LRP1B: variants seen among roughly 807,000 people sequenced by gnomAD.
The protein encoded by LRP1B is LDL receptor related protein 1B.
Under a neutral mutation model 556.6 loss-of-function variants are expected in LRP1B, and 217 were observed. The ratio of observed to expected loss-of-function variants is 0.39; its 90% confidence interval spans 0.35 to 0.44. The LOEUF is 0.44. Ranked by LOEUF, LRP1B falls within the 20% of genes least tolerant of loss-of-function variation. The probability of loss-of-function intolerance (pLI) is 1.00; values close to 1 mark genes in which losing one functional copy is unlikely to be tolerated. For synonymous variants in LRP1B, 2,047 were observed against 1,865.8 expected (o/e 1.10, Z -2.50); for missense variants, 5,053 against 5,620.8 (o/e 0.90, Z 3.23).
At chr2:141,561,845 A>C (rs950822792) in intron 2 of LRP1B, among the ~76,000 whole-genome samples, 12 of 151,614 alleles carry the variant, frequency 7.9e-5, no homozygotes, top group Admixed American at 7.9e-4. Context: ...TTCACAATCT[A>C]TATACTGTAA....
chr2:141,650,690 GA>G (rs1377382787), intron 2 of LRP1B, among the ~76,000 whole-genome samples: 3 of 152,146 alleles, frequency 2.0e-5, no homozygotes, highest in African/African-American at 7.2e-5. Context: ...CATATTTGAA[GA>G]ATACAATGAA....
rs78262972 is a variant in LRP1B, at chr2:141,809,794, T to C, written c.205+485A>G. On this transcript the variant is annotated intron_variant, in intron 2 of 90. Transcript: ENST00000389484. ...ATGTTCAATTATTTGTGTACTGCCC[T>C]GAGATATTAATATAAATAACATGGG... 1.2e-3 allele frequency among the ~76,000 whole-genome samples: 181 copies of C among 152,118 alleles called. 1 individual carries two copies. The East Asian group carries it at 0.024, about 20-fold the overall frequency.
chr2:141,843,176 T>C (rs1697536824), intron 1 of LRP1B, among the ~76,000 whole-genome samples: 1 of 152,160 alleles, frequency 6.6e-6, no homozygotes, highest in Admixed American at 6.6e-5. Context: ...GCACATATTT[T>C]GGCTATATTT....
chr2:141,900,052 TAG>T (rs953894496), intron 1 of LRP1B, among the ~76,000 whole-genome samples: 15 of 152,052 alleles, frequency 9.9e-5, no homozygotes, highest in Admixed American at 3.9e-4. Context: ...GTGTGACATA[TAG>T]TTTCCTGTCT....
chr2:140,676,646 T>C (rs1685681703), intron 41 of LRP1B, among the ~76,000 whole-genome samples: 1 of 152,208 alleles, frequency 6.6e-6, no homozygotes, highest in Admixed American at 6.5e-5. Context: ...AATTGAGACT[T>C]ATGTATATGA....
intron 3 of LRP1B, among the ~76,000 whole-genome samples, chr2:141,300,041 C>A (rs1362796379): frequency 1.3e-5 from 2 of 152,146 alleles, no homozygotes; most frequent in Non-Finnish European, 2.9e-5. Flanking sequence ...AAAGAGACCC[C>A]AGAGAGCTCT....
At chr2:141,696,556 A>G (rs1257462240) in intron 2 of LRP1B, among the ~76,000 whole-genome samples, 1 of 151,984 alleles carries the variant, frequency 6.6e-6, no homozygotes, top group Non-Finnish European at 1.5e-5. Context: ...CTGAAGACTT[A>G]GAACAACTCT....
intron 2 of LRP1B, among the ~76,000 whole-genome samples, chr2:141,581,465 CT>C (rs1219230810): frequency 6.6e-6 from 1 of 152,006 alleles, no homozygotes; most frequent in Admixed American, 6.6e-5. Context: ...AGGGTAAAAT[CT>C]TTAAAGTAAT....
intron 11 of LRP1B, among the ~76,000 whole-genome samples, chr2:141,043,139 G>A (rs1378644423): frequency 6.6e-6 from 1 of 150,726 alleles, no homozygotes; most frequent in East Asian, 1.9e-4. Flanking sequence ...GGAGGAGGAG[G>A]ATGCAGTGAG....
chr2:141,190,509 G>A (rs1318198909), intron 6 of LRP1B, among the ~76,000 whole-genome samples: 2 of 151,848 alleles, frequency 1.3e-5, no homozygotes, highest in Non-Finnish European at 2.9e-5. Flanking sequence ...AAATTCAAAG[G>A]TTATGGTTTT....
chr2:140,353,370 A>AT (rs1298303982), intron 75 of LRP1B, among the ~76,000 whole-genome samples: 1 of 151,620 alleles, frequency 6.6e-6, no homozygotes, highest in Non-Finnish European at 1.5e-5. Context: ...TTACTTATTT[A>AT]TTTTTTTACC....
chr2:140,408,952 A>G (rs2176548), intron 66 of LRP1B, among the ~76,000 whole-genome samples: 17,108 of 151,964 alleles, frequency 0.11, 1,083 homozygotes, highest in African/African-American at 0.17. Context: ...ATGATAGAGG[A>G]GTAATCACAT....
At chr2:141,772,649 C>T (rs1029789975) in intron 2 of LRP1B, among the ~76,000 whole-genome samples, 4 of 152,122 alleles carry the variant, frequency 2.6e-5, no homozygotes, top group Non-Finnish European at 5.9e-5. Context: ...TTGCAGAGCA[C>T]GAACAAGCTA....
intron 16 of LRP1B, among the ~76,000 whole-genome samples, 193 bp downstream of exon 16, chr2:140,993,802 A>G (rs1295501941): frequency 3.9e-5 from 6 of 152,080 alleles, no homozygotes; most frequent in Non-Finnish European, 7.4e-5. Context: ...GAAAAGGATG[A>G]GAAAAACTGC....
chr2:140,854,314 G>T lies in LRP1B; in HGVS notation c.4580-2531C>A, dbSNP rs185028427. 5.9e-5 allele frequency among the ~76,000 whole-genome samples: 9 copies of T among 152,044 alleles called. No homozygotes were observed. In the East Asian group the frequency reaches 1.7e-3, roughly 29 times the overall value. On this transcript the variant is annotated intron_variant, in intron 27 of 90. Transcript: ENST00000389484. ...TATGAAAAAATATATATTTTTGAAG[G>T]CAGAGATATTAAGTTTCTATGTACA...
rs116262801 is a variant in LRP1B, at chr2:141,105,732, G to A, written c.1014-43459C>T. Among the ~76,000 whole-genome samples the A allele has an allele frequency of 7.3e-3, 1,109 of 152,100 alleles. 11 individuals are homozygous for A. Among genetic ancestry groups the A allele is most frequent in the African/African-American group, 0.026 (1,065 of 41,516 alleles). On this transcript the variant is annotated intron_variant, in intron 7 of 90. Transcript: ENST00000389484. ...TAAATAACATAAATTGATGGACCTG[G>A]CTTTTCAAAAAATGTATACCTGTTT...
chr2:140,627,040 A>G (rs1182139374), intron 41 of LRP1B, among the ~76,000 whole-genome samples: 2 of 152,210 alleles, frequency 1.3e-5, no homozygotes, highest in African/African-American at 4.8e-5. Flanking sequence ...TTTAGCCTAG[A>G]GTATGAATAT....
intron 2 of LRP1B, among the ~76,000 whole-genome samples, chr2:141,525,480 G>A (rs975737513): frequency 2.6e-5 from 4 of 151,832 alleles, no homozygotes; most frequent in Non-Finnish European, 5.9e-5. Context: ...CCAACAGAAA[G>A]CAACTTTTGA....
At chr2:142,019,211 GA>G (rs1410861169) in intron 1 of LRP1B, among the ~76,000 whole-genome samples, 2 of 152,128 alleles carry the variant, frequency 1.3e-5, no homozygotes. Context: ...AATCCACAGA[GA>G]AATTAACCAT....
Sources: gnomAD v4.1 joint callset for allele counts (sites outside exome capture counted in the v4.1 genomes callset) on GRCh38, gnomAD v4.1.1 for gene constraint, MANE v1.5 for transcripts, NCBI Gene and HGNC (gene_info 2026-07-23, HGNC 2026-07-21) for gene names.